BRAF: variants seen among roughly 807,000 people sequenced by gnomAD.
BRAF encodes B-Raf proto-oncogene, serine/threonine kinase.
A neutral mutation model predicts 104.6 loss-of-function variants in BRAF; 16 were observed. The observed-to-expected ratio is 0.15, with a 90% CI of 0.10 to 0.23. BRAF has a LOEUF of 0.23. Ranked by LOEUF, BRAF falls within the 10% of genes least tolerant of loss-of-function variation. BRAF has a pLI of 1.00. For missense variants in BRAF, 541 were observed against 937.3 expected (o/e 0.58, Z 5.52); for synonymous variants, 310 against 341.6 (o/e 0.91, Z 1.02).
At chr7:140,887,012 T>C (rs1217303490) in intron 1 of BRAF, among the ~76,000 whole-genome samples, 2 of 152,130 alleles carry the variant, frequency 1.3e-5, no homozygotes, top group African/African-American at 4.8e-5. Context: ...AGACAAGAAG[T>C]AATGAGAGTC....
intron 1 of BRAF, among the ~76,000 whole-genome samples, chr7:140,868,854 T>C (rs1179464637): frequency 6.6e-6 from 1 of 152,190 alleles, no homozygotes; most frequent in Non-Finnish European, 1.5e-5. Context: ...TGGGAAATGA[T>C]GGCCAAGTGA....
intron 19 of BRAF, among the ~76,000 whole-genome samples, chr7:140,729,465 C>T (rs1166469348): frequency 1.3e-5 from 2 of 151,096 alleles, no homozygotes; most frequent in African/African-American, 4.9e-5. Flanking sequence ...GCCAACATGG[C>T]GAAACTCTCT....
chr7:140,866,654 T>C (rs776233811), intron 1 of BRAF, among the ~76,000 whole-genome samples: 5 of 152,202 alleles, frequency 3.3e-5, no homozygotes, highest in Non-Finnish European at 5.9e-5. Flanking sequence ...AGAGAAGCAC[T>C]AGCCACCTTA....
intron 3 of BRAF, among the ~76,000 whole-genome samples, chr7:140,833,119 C>T (rs1806962203): frequency 6.6e-6 from 1 of 152,050 alleles, no homozygotes; most frequent in Non-Finnish European, 1.5e-5. Flanking sequence ...CTCCTGACCT[C>T]GTGATCTGCC....
chr7:140,746,865 T>A (rs984429311), intron 17 of BRAF, among the ~76,000 whole-genome samples: 3 of 150,226 alleles, frequency 2.0e-5, no homozygotes, highest in Non-Finnish European at 4.4e-5. Context: ...AAAAAAAAGA[T>A]ACCCAGAGAG....
chr7:140,882,642 T>C lies in BRAF; in HGVS notation c.139-32430A>G, dbSNP rs945381551. On this transcript the variant is annotated intron_variant, in intron 1 of 19. Coordinates refer to ENST00000644969, the MANE Select transcript of BRAF (RefSeq NM_001374258.1). ...ATCTACCTGCCTCGGCCTCCCAAAG[T>C]GCTGGGATTACAGGCATGAGCCACA... Among the ~76,000 whole-genome samples the C allele has an allele frequency of 3.3e-5, 5 of 150,802 alleles. No homozygotes were observed. In the East Asian group the frequency reaches 8.2e-4, roughly 25 times the overall value.
chr7:140,896,091 T>C (rs1353814517), intron 1 of BRAF, among the ~76,000 whole-genome samples: 1 of 152,134 alleles, frequency 6.6e-6, no homozygotes, highest in Non-Finnish European at 1.5e-5. Context: ...CCACCCTAAC[T>C]GGGATGAGAC....
rs761240860 is a variant in BRAF at position 140,777,004 on chromosome 7, G to A, written c.1722C>T (p.Gly574=). 1.1e-5 allele frequency: 17 copies of A among 1,613,636 alleles called. No individual in the cohort carries two copies. The highest frequency in any genetic ancestry group is 1.7e-5 in the Admixed American group (1 of 59,988). ...QLAIVTQWCE[G]SSLYHHLHII... Reference sequence around the variant, plus strand: ...TATGGAGATGGTGATACAAGCTGGAGCCCTCACACCACTGGGTAACAATAG... The same window carrying A: ...TATGGAGATGGTGATACAAGCTGGAACCCTCACACCACTGGGTAACAATAG... Residue 574 remains glycine (G), a synonymous_variant, in exon 14 of 20, where the codon GGC becomes GGT. Transcript: ENST00000644969.
chr7:140,749,199 G>C (rs555735938), intron 17 of BRAF, 88 bp downstream of exon 16: 1 of 1,558,000 alleles, frequency 6.4e-7, no homozygotes, highest in Non-Finnish European at 8.8e-7. Context: ...TATCCTTCAC[G>C]CTTACCCAGG....
chr7:140,763,696 G>A (rs929088460), intron 14 of BRAF, among the ~76,000 whole-genome samples: 1 of 152,166 alleles, frequency 6.6e-6, no homozygotes, highest in Non-Finnish European at 1.5e-5. Flanking sequence ...AGAAAATCTA[G>A]AAGAAATGGA....
At chr7:140,870,738 A>G (rs980791104) in intron 1 of BRAF, among the ~76,000 whole-genome samples, 3 of 152,080 alleles carry the variant, frequency 2.0e-5, no homozygotes, top group Admixed American at 6.5e-5. Flanking sequence ...GAGCACTTCT[A>G]AACTTCATTG....
At chr7:140,714,843 A>G (rs1202893248), downstream of BRAF, among the ~76,000 whole-genome samples, 1 of 152,164 alleles carries the variant, frequency 6.6e-6, no homozygotes, top group East Asian at 1.9e-4. Context: ...CGAGAAAAGC[A>G]AATTGAACTT....
chr7:140,904,211 T>C (rs1816023619), intron 1 of BRAF, among the ~76,000 whole-genome samples: 1 of 152,214 alleles, frequency 6.6e-6, no homozygotes, highest in South Asian at 2.1e-4. Context: ...AACCTCACTG[T>C]TGTCTTAAGA....
chr7:140,878,812 C>T (rs193259995), intron 1 of BRAF, among the ~76,000 whole-genome samples: 3 of 152,228 alleles, frequency 2.0e-5, no homozygotes, highest in South Asian at 2.1e-4. Context: ...TTCAGCATTG[C>T]GCACTGTATA....
chr7:140,853,310 G>A (rs1266118211), intron 1 of BRAF, among the ~76,000 whole-genome samples: 2 of 151,920 alleles, frequency 1.3e-5, no homozygotes, highest in African/African-American at 2.4e-5. Context: ...CTGGGAAGTT[G>A]AGGCTGCAAT....
chr7:140,832,528 G>C (rs1410843377), intron 3 of BRAF, among the ~76,000 whole-genome samples: 3 of 150,238 alleles, frequency 2.0e-5, no homozygotes, highest in Non-Finnish European at 4.4e-5. Context: ...TCAGATAAAA[G>C]AGAGAATGGC....
In BRAF at chr7:140,913,715, C is replaced by T. The variant is rs78675147; in HGVS notation, c.138+10851G>A. On this transcript the variant is annotated intron_variant, in intron 1 of 19. Coordinates refer to ENST00000644969, the MANE Select transcript of BRAF (RefSeq NM_001374258.1). ...GCCAGGATGGTCTCAATCTCCTGAC[C>T]TCATGATCCACCCGCCAGGGCCTTT... Among the ~76,000 whole-genome samples, 127 of 152,098 alleles carry T rather than the reference C, an allele frequency of 8.3e-4. 1 individual carries two copies. In the East Asian group the frequency reaches 0.018, roughly 22 times the overall value.
At position 140,723,009 on chromosome 7, in the gene BRAF, G is replaced by A. The variant is rs1046923228; in HGVS notation, c.*3485C>T. 26 of 1,052,224 alleles carry A rather than the reference G, an allele frequency of 2.5e-5. No homozygotes were observed. The highest frequency in any genetic ancestry group is 1.0e-4 in the African/African-American group (6 of 60,276). 65.2% of individuals were successfully genotyped at this position (1,052,224 alleles called of 1,614,324 possible). Reference sequence around the variant, plus strand: ...AAAAAAGTTAAAATCTTAAATCATCGTCATGTTCTAGAGCTCCTGACTTTT... The same window carrying A: ...AAAAAAGTTAAAATCTTAAATCATCATCATGTTCTAGAGCTCCTGACTTTT... On this transcript the variant is annotated 3_prime_UTR_variant, in exon 20 of 20. Coordinates refer to ENST00000644969, the MANE Select transcript of BRAF (RefSeq NM_001374258.1).
intron 1 of BRAF, among the ~76,000 whole-genome samples, chr7:140,855,845 C>T (rs1305541433): frequency 1.3e-5 from 2 of 150,788 alleles, no homozygotes; most frequent in Non-Finnish European, 3.0e-5. Flanking sequence ...CAAGGCAAAA[C>T]CCTTTCTCTA....
Sources: allele counts gnomAD v4.1 joint callset (sites outside exome capture counted in the v4.1 genomes callset), GRCh38; gene constraint gnomAD v4.1.1; transcripts MANE v1.5; gene names NCBI Gene and HGNC (gene_info 2026-07-23, HGNC 2026-07-21).